The following THEMIS variants were observed in gnomAD, a reference collection of about 807,000 sequenced individuals.
THEMIS encodes thymocyte selection associated.
A neutral mutation model predicts 52.6 loss-of-function variants in THEMIS; 37 were observed. That is an observed-to-expected ratio of 0.70 (90% confidence interval 0.54 to 0.93). THEMIS has a LOEUF of 0.93. Among genes scored for constraint, THEMIS ranks in the 40% least tolerant of loss-of-function variants. The pLI is 0.00. For synonymous variants in THEMIS, 292 were observed against 272.7 expected (o/e 1.07, Z -0.70); for missense variants, 808 against 763.1 (o/e 1.06, Z -0.69).
intron 1 of THEMIS, among the ~76,000 whole-genome samples, chr6:127,855,952 C>T (rs1779604566): frequency 6.6e-6 from 1 of 151,898 alleles, no homozygotes; most frequent in African/African-American, 2.4e-5. Flanking sequence ...GGCAAAAATT[C>T]TGGATAATCT....
At chr6:127,819,585 G>A (rs2114629205) in intron 3 of THEMIS, among the ~76,000 whole-genome samples, 1 of 152,272 alleles carries the variant, frequency 6.6e-6, no homozygotes, top group Non-Finnish European at 1.5e-5. Flanking sequence ...AACATTTACA[G>A]TGGACTTTTC....
intron 3 of THEMIS, among the ~76,000 whole-genome samples, chr6:127,825,721 C>T (rs759064830): frequency 2.0e-5 from 3 of 151,984 alleles, no homozygotes; most frequent in Non-Finnish European, 4.4e-5. Context: ...AACATGAGAA[C>T]GAAGAGTTAC....
chr6:127,870,075 AT>A (rs1000612038), intron 1 of THEMIS, among the ~76,000 whole-genome samples: 4 of 152,326 alleles, frequency 2.6e-5, no homozygotes, highest in African/African-American at 9.6e-5. Context: ...TGTCAGGGAA[AT>A]CAGGAGGAGA....
At chr6:127,882,798 T>G (rs180873992) in intron 1 of THEMIS, among the ~76,000 whole-genome samples, 30 of 152,056 alleles carry the variant, frequency 2.0e-4, no homozygotes, top group Middle Eastern at 6.8e-3. Context: ...GCGAGTAGAA[T>G]ACAATACTGT....
chr6:127,759,559 A>C (rs1345116955), intron 4 of THEMIS, among the ~76,000 whole-genome samples: 1 of 152,160 alleles, frequency 6.6e-6, no homozygotes, highest in Non-Finnish European at 1.5e-5. Context: ...TCCCAGCTGC[A>C]CATGTTAATA....
the THEMIS span, among the ~76,000 whole-genome samples, chr6:127,697,619 C>G: frequency 1.3e-5 from 2 of 152,130 alleles, no homozygotes; most frequent in Admixed American, 1.3e-4. Flanking sequence ...TTCAAGAACC[C>G]CTTGGTCCCA....
intron 4 of THEMIS, among the ~76,000 whole-genome samples, chr6:127,786,322 G>C (rs1776947306): frequency 6.6e-6 from 1 of 152,078 alleles, no homozygotes; most frequent in African/African-American, 2.4e-5. Flanking sequence ...TCTGTGTAAT[G>C]GAATGTAAAA....
At chr6:127,712,476 G>T (rs920068688) in intron 5 of THEMIS, among the ~76,000 whole-genome samples, 21 of 151,822 alleles carry the variant, frequency 1.4e-4, no homozygotes, top group African/African-American at 4.4e-4. Context: ...AATAATTTAG[G>T]TTCTAAAATC....
chr6:127,878,829 GA>G (rs1479703981), intron 1 of THEMIS, among the ~76,000 whole-genome samples: 1 of 152,152 alleles, frequency 6.6e-6, no homozygotes, highest in Non-Finnish European at 1.5e-5. Flanking sequence ...AAAGGGATCT[GA>G]ATTAGAAAAG....
intron 2 of THEMIS, among the ~76,000 whole-genome samples, chr6:127,831,345 A>T (rs1309032700): frequency 1.3e-5 from 2 of 152,158 alleles, no homozygotes; most frequent in African/African-American, 4.8e-5. Context: ...TACTGAATAG[A>T]TTTTAATAAA....
At chr6:127,787,850 T>TATAGATAGATAGATAGATAGATAGATAG (rs149637898) in intron 4 of THEMIS, among the ~76,000 whole-genome samples, 1 of 137,510 alleles carries the variant, frequency 7.3e-6, no homozygotes, top group Non-Finnish European at 1.6e-5. Flanking sequence ...GATAGACAGA[T>TATAGATAGATAGATAGATAGATAGATAG]ATAGATAGAT....
chr6:127,807,899 C>G (rs1014986813), intron 4 of THEMIS, among the ~76,000 whole-genome samples: 11 of 152,280 alleles, frequency 7.2e-5, no homozygotes, highest in African/African-American at 2.6e-4. Flanking sequence ...CAATTTAGCA[C>G]CAGCAGCAGC....
chr6:127,895,254 A>T (rs1437136889), intron 1 of THEMIS, among the ~76,000 whole-genome samples: 1 of 151,356 alleles, frequency 6.6e-6, no homozygotes. Flanking sequence ...TTTCTTTATG[A>T]CTAGGAATAA....
intron 5 of THEMIS, among the ~76,000 whole-genome samples, chr6:127,713,918 T>C (rs1774068897): frequency 1.3e-5 from 2 of 151,824 alleles, no homozygotes; most frequent in African/African-American, 2.4e-5. Context: ...CTATGGGCCA[T>C]GTGTACGAGC....
intron 1 of THEMIS, among the ~76,000 whole-genome samples, chr6:127,907,041 C>A (rs1781288759): frequency 6.6e-6 from 1 of 151,568 alleles, no homozygotes; most frequent in Admixed American, 6.6e-5. Flanking sequence ...TGTAATATTT[C>A]TTTGAGTAAA....
chr6:127,748,838 T>C (rs1178881135), intron 4 of THEMIS, among the ~76,000 whole-genome samples: 1 of 152,092 alleles, frequency 6.6e-6, no homozygotes, highest in Non-Finnish European at 1.5e-5. Flanking sequence ...TTTAGATGCT[T>C]TATTGAGTTA....
chr6:127,795,729 T>TAAG (rs1009052534), intron 4 of THEMIS, among the ~76,000 whole-genome samples: 3 of 152,166 alleles, frequency 2.0e-5, no homozygotes, highest in African/African-American at 7.2e-5. Context: ...AGATTAATAC[T>TAAG]AAGAAGAAGA....
intron 4 of THEMIS, among the ~76,000 whole-genome samples, chr6:127,783,897 A>G (rs1210840202): frequency 6.6e-6 from 1 of 152,220 alleles, no homozygotes; most frequent in Non-Finnish European, 1.5e-5. Context: ...TATATACCCA[A>G]AGGATTATAA....
At chr6:127,903,767 A>C (rs545414868), upstream of THEMIS, among the ~76,000 whole-genome samples, 1 of 152,094 alleles carries the variant, frequency 6.6e-6, no homozygotes. Context: ...CTTCAAATAA[A>C]CAATGGCTTA....
Sources: gnomAD v4.1 joint callset for allele counts (sites outside exome capture counted in the v4.1 genomes callset) on GRCh38, gnomAD v4.1.1 for gene constraint, MANE v1.5 for transcripts, NCBI Gene and HGNC (gene_info 2026-07-23, HGNC 2026-07-21) for gene names.